The following TESK2 variants were observed in gnomAD, a reference collection of about 807,000 sequenced individuals.
The protein encoded by TESK2 is testis associated actin remodelling kinase 2.
Under a neutral mutation model 57.1 loss-of-function variants are expected in TESK2, and 39 were observed. The observed-to-expected ratio is 0.68, with a 90% confidence interval of 0.53 to 0.89. The LOEUF is 0.89. Among genes scored for constraint, TESK2 ranks in the 40% least tolerant of loss-of-function variants. The pLI, the probability that TESK2 is intolerant of heterozygous loss-of-function variation, is 0.00. For missense variants in TESK2, 646 were observed against 732.1 expected, an observed-to-expected ratio of 0.88 and a Z score of 1.36; for synonymous variants, 249 against 267.9, an observed-to-expected ratio of 0.93 and a Z score of 0.69.
At chr1:45,384,192 T>A (rs1437275324) in intron 4 of TESK2, among the ~76,000 whole-genome samples, 1 of 152,202 alleles carries the variant, frequency 6.6e-6, no homozygotes, top group Non-Finnish European at 1.5e-5. Flanking sequence ...TGAAACTCTT[T>A]CCTTTTCATT....
intron 4 of TESK2, among the ~76,000 whole-genome samples, chr1:45,373,787 T>C (rs144995140): frequency 6.6e-6 from 1 of 152,306 alleles, no homozygotes; most frequent in East Asian, 1.9e-4. Context: ...AGTGATTATG[T>C]ATCAGGCACA....
At chr1:45,490,380 G>C (rs556504151) in intron 1 of TESK2, among the ~76,000 whole-genome samples, 1 of 152,284 alleles carries the variant, frequency 6.6e-6, no homozygotes, top group East Asian at 1.9e-4. Context: ...AAAGAAGAGG[G>C]GGAAGGCAGT....
intron 3 of TESK2, among the ~76,000 whole-genome samples, chr1:45,413,267 A>T (rs1197824923): frequency 6.6e-6 from 1 of 152,214 alleles, no homozygotes; most frequent in East Asian, 1.9e-4. Flanking sequence ...ATACACACAC[A>T]TGAACAAAAT....
intron 2 of TESK2, among the ~76,000 whole-genome samples, chr1:45,454,309 T>C (rs917373633): frequency 2.0e-5 from 3 of 152,026 alleles, no homozygotes; most frequent in Non-Finnish European, 4.4e-5. Flanking sequence ...TTTTGCAAAA[T>C]GAAAAAGTTC....
intron 1 of TESK2, among the ~76,000 whole-genome samples, chr1:45,460,541 TAAAA>T (rs2149300931): frequency 6.6e-6 from 1 of 152,092 alleles, no homozygotes; most frequent in South Asian, 2.1e-4. Flanking sequence ...AATTAAATAA[TAAAA>T]ATAAAATAAA....
chr1:45,391,848 G>C (rs1292149750), intron 3 of TESK2, among the ~76,000 whole-genome samples: 1 of 152,250 alleles, frequency 6.6e-6, no homozygotes, highest in East Asian at 1.9e-4. Flanking sequence ...TCTGGATCTA[G>C]AGTTAGACTG....
intron 1 of TESK2, among the ~76,000 whole-genome samples, chr1:45,483,828 T>C (rs1212947509): frequency 1.4e-5 from 2 of 147,320 alleles, no homozygotes; most frequent in Non-Finnish European, 3.0e-5. Flanking sequence ...GGAGGCCCTG[T>C]CTCTACAAAA....
intron 1 of TESK2, among the ~76,000 whole-genome samples, chr1:45,488,928 G>A (rs775278940): frequency 2.0e-5 from 3 of 152,086 alleles, no homozygotes; most frequent in Non-Finnish European, 2.9e-5. Context: ...TTGGGAGGCC[G>A]GGGAAGGCAG....
intron 2 of TESK2, among the ~76,000 whole-genome samples, chr1:45,436,478 CTTTTTTT>C (rs35561877): frequency 8.9e-5 from 3 of 33,622 alleles, no homozygotes; most frequent in South Asian, 2.8e-3. Flanking sequence ...CGTGCCTGGC[CTTTTTTT>C]TTTTTTTTTT....
At position 45,394,679 on chromosome 1, in the gene TESK2, C is replaced by CTTTTTTT. The variant is rs5773871; in HGVS notation, c.345-8726_345-8720dup. On this transcript the variant is annotated intron_variant, in intron 3 of 10. Transcript: ENST00000372086. ...AAGATAGTAAGACCAACAGGAAACTCTTTTTTTTTTTTTTTTTTTTTTTTT... is the reference window on the plus strand; with the variant it reads ...AAGATAGTAAGACCAACAGGAAACTCTTTTTTTTTTTTTTTTTTTTTTTTTTTTTTTT... Among the ~76,000 whole-genome samples, 515 of 57,418 alleles carry CTTTTTTT rather than the reference C, an allele frequency of 9.0e-3. 37 individuals are homozygous for CTTTTTTT. The highest frequency in any genetic ancestry group is 0.011 in the Non-Finnish European group (372 of 33,580). The allele number at this position is 57,418 out of a possible 152,430, so 37.7% of individuals were successfully genotyped here.
intron 4 of TESK2, among the ~76,000 whole-genome samples, chr1:45,379,779 T>G (rs1207976727): frequency 1.3e-5 from 2 of 152,208 alleles, no homozygotes; most frequent in African/African-American, 4.8e-5. Context: ...CTGAGATGGC[T>G]CTGTTGTAAA....
At chr1:45,408,229 C>G (rs913824337) in intron 3 of TESK2, among the ~76,000 whole-genome samples, 4 of 152,140 alleles carry the variant, frequency 2.6e-5, no homozygotes, top group African/African-American at 9.7e-5. Flanking sequence ...TATCTTCACT[C>G]TACTCTCATG....
At chr1:45,445,124 T>C (rs1048238427) in intron 2 of TESK2, among the ~76,000 whole-genome samples, 1 of 152,120 alleles carries the variant, frequency 6.6e-6, no homozygotes, top group Non-Finnish European at 1.5e-5. Flanking sequence ...CCAGCTTGAC[T>C]GGTCTTGTGA....
intron 4 of TESK2, among the ~76,000 whole-genome samples, chr1:45,361,014 T>TC (rs1192102015): frequency 6.6e-6 from 1 of 152,122 alleles, no homozygotes; most frequent in Non-Finnish European, 1.5e-5. Flanking sequence ...GACAGGGTTT[T>TC]CCCATGTTGG....
intron 2 of TESK2, among the ~76,000 whole-genome samples, chr1:45,442,890 A>G (rs1029380012): frequency 1.3e-5 from 2 of 152,152 alleles, no homozygotes; most frequent in African/African-American, 2.4e-5. Context: ...GGTTCAAGCA[A>G]TTCTCCTGCC....
At chr1:45,406,980 G>C (rs1557561056) in intron 3 of TESK2, among the ~76,000 whole-genome samples, 1 of 152,110 alleles carries the variant, frequency 6.6e-6, no homozygotes, top group Non-Finnish European at 1.5e-5. Context: ...TAGCAGCTGA[G>C]GATTTAGCAT....
chr1:45,347,885 C>T (rs759096156), intron 6 of TESK2, 33 bp downstream of exon 6: 3 of 1,569,946 alleles, frequency 1.9e-6, no homozygotes, highest in East Asian at 2.2e-5. Context: ...GCCCCCTGTC[C>T]CTTGGACCCC....
chr1:45,468,770 G>T (rs1168290940), intron 1 of TESK2, among the ~76,000 whole-genome samples: 1 of 152,118 alleles, frequency 6.6e-6, no homozygotes, highest in African/African-American at 2.4e-5. Context: ...TGTGGGATGA[G>T]CACTACTGGT....
intron 1 of TESK2, among the ~76,000 whole-genome samples, chr1:45,477,839 T>C (rs1653059909): frequency 6.6e-6 from 1 of 152,220 alleles, no homozygotes. Flanking sequence ...CTAATCATTA[T>C]TCCCTACACT....
Sources: allele counts gnomAD v4.1 joint callset (sites outside exome capture counted in the v4.1 genomes callset), GRCh38; gene constraint gnomAD v4.1.1; transcripts MANE v1.5; gene names NCBI Gene and HGNC (gene_info 2026-07-23, HGNC 2026-07-21).